CREBRF: variants seen among roughly 807,000 people sequenced by gnomAD.
CREBRF encodes the protein CREB3 regulatory factor, also known as UPF0474 protein C5orf41.
In CREBRF, 5 loss-of-function variants were observed where a neutral mutation model predicts 66.1. The observed-to-expected ratio is 0.08, with a 90% CI of 0.04 to 0.16. CREBRF has a LOEUF of 0.16. Ranked by LOEUF, CREBRF falls within the 10% of genes least tolerant of loss-of-function variation. The pLI is 1.00. For synonymous variants in CREBRF, 229 were observed against 264.4 expected (o/e 0.87, Z 1.30); for missense variants, 531 against 744.9 (o/e 0.71, Z 3.34).
Position 173,129,230 on chromosome 5 carries a change from C to T in CREBRF, c.1805-4400C>T, listed in dbSNP as rs557698972. ...CTCCCGGGTTCAAGCGATTCTCCTGCCTCAGCCTCCCGAGTAGCTGGGACT... is the reference window on the plus strand; with the variant it reads ...CTCCCGGGTTCAAGCGATTCTCCTGTCTCAGCCTCCCGAGTAGCTGGGACT... On this transcript the variant is annotated intron_variant, in intron 8 of 8. Coordinates refer to ENST00000296953, the MANE Select transcript of CREBRF (RefSeq NM_153607.3). 3.4e-5 allele frequency among the ~76,000 whole-genome samples: 5 copies of T among 148,404 alleles called. No individual in the cohort carries two copies. In the East Asian group the frequency reaches 1.0e-3, roughly 30 times the overall value.
chr5:173,129,749 C>T (rs1379871054), intron 8 of CREBRF, among the ~76,000 whole-genome samples: 1 of 149,074 alleles, frequency 6.7e-6, no homozygotes, highest in African/African-American at 2.5e-5. Flanking sequence ...TACACACACA[C>T]AAAACATTTT....
rs1021355710 is a variant in CREBRF, at chr5:173,061,869, G to T, written c.-192+5390G>T. Among the ~76,000 whole-genome samples, 5 of 152,186 alleles carry T rather than the reference G, an allele frequency of 3.3e-5. No homozygotes were observed. In the South Asian group the frequency reaches 8.3e-4, roughly 25 times the overall value. ...TAACTGGGAAATACTAAATTTTTTT[G>T]ATAACTTTTGCTTTATTTTTAATGT... On this transcript the variant is annotated intron_variant, in intron 1 of 8. Transcript: ENST00000296953.
intron 4 of CREBRF, among the ~76,000 whole-genome samples, chr5:173,095,068 CT>C (rs1758443814): frequency 6.6e-6 from 1 of 151,768 alleles, no homozygotes; most frequent in Non-Finnish European, 1.5e-5. Context: ...TTTCTGGCAC[CT>C]TTGCCAAGAA....
chr5:173,106,594 T>G (rs557491913), intron 4 of CREBRF, among the ~76,000 whole-genome samples: 4 of 152,182 alleles, frequency 2.6e-5, no homozygotes, highest in Non-Finnish European at 4.4e-5. Context: ...TTCTTTTTTT[T>G]AAAGTCATGT....
At chr5:173,059,266 T>TC (rs1757187951) in intron 1 of CREBRF, among the ~76,000 whole-genome samples, 1 of 29,426 alleles carries the variant, frequency 3.4e-5, no homozygotes, top group African/African-American at 1.2e-4. Flanking sequence ...CTTTTTTTTC[T>TC]TTTTTTTTTT....
At chr5:173,073,248 T>TTA (rs1561794383) in intron 1 of CREBRF, among the ~76,000 whole-genome samples, 1 of 152,240 alleles carries the variant, frequency 6.6e-6, no homozygotes, top group African/African-American at 2.4e-5. Flanking sequence ...GACAAATCTC[T>TTA]TACCCTTGCT....
intron 2 of CREBRF, among the ~76,000 whole-genome samples, chr5:173,083,343 G>A (rs936125319): frequency 5.9e-5 from 9 of 152,082 alleles, no homozygotes; most frequent in African/African-American, 2.2e-4. Context: ...CTTGACTCTG[G>A]CGGGATTTGT....
Position 173,134,055 on chromosome 5 carries a change from G to T in CREBRF, c.*310G>T, listed in dbSNP as rs1759533235. The T allele has an allele frequency of 5.9e-6, 1 of 169,434 alleles. No homozygotes were observed. The highest frequency in any genetic ancestry group is 1.7e-4 in the South Asian group (1 of 5,884). 10.5% of individuals were successfully genotyped at this position (169,434 alleles called of 1,614,324 possible). ...TTTTGGAGGAGTGAAATAGTAAAAT[G>T]CCAAGTATTGTGGCAGATTTATGCT... On this transcript the variant is annotated 3_prime_UTR_variant, in exon 9 of 9. Coordinates refer to ENST00000296953, the MANE Select transcript of CREBRF (RefSeq NM_153607.3).
intron 3 of CREBRF, among the ~76,000 whole-genome samples, chr5:173,089,214 A>G (rs1758256048): frequency 6.7e-6 from 1 of 148,714 alleles, no homozygotes; most frequent in Non-Finnish European, 1.5e-5. Context: ...CCATACACAG[A>G]CAACACACAC....
At chr5:173,092,341 CT>C in intron 4 of CREBRF, 1 of 984,136 alleles carries the variant, frequency 1.0e-6, no homozygotes, top group Non-Finnish European at 1.2e-6. Flanking sequence ...GGAGACTCTG[CT>C]TTATTTATAT....
chr5:173,099,424 G>A (rs1290603820), intron 4 of CREBRF, among the ~76,000 whole-genome samples: 1 of 152,130 alleles, frequency 6.6e-6, no homozygotes, highest in African/African-American at 2.4e-5. Flanking sequence ...TCAAAGTGCT[G>A]GGATTACAGG....
intron 7 of CREBRF, 89 bp downstream of exon 7, chr5:173,112,468 G>T: frequency 1.1e-6 from 1 of 915,396 alleles, no homozygotes; most frequent in Admixed American, 2.4e-5. Context: ...TGCTTTCGCT[G>T]TATTCTGCCT....
At chr5:173,133,490 A>G in intron 8 of CREBRF, 140 bp from the exon 9 acceptor site, 2 of 505,340 alleles carry the variant, frequency 4.0e-6, no homozygotes, top group South Asian at 3.1e-5. Context: ...CTGAGCTGCA[A>G]TAACAAGTGC....
At chr5:173,113,266 A>G (rs989806234) in intron 7 of CREBRF, among the ~76,000 whole-genome samples, 5 of 151,362 alleles carry the variant, frequency 3.3e-5, no homozygotes, top group African/African-American at 1.2e-4. Flanking sequence ...AAGTGCTGGG[A>G]TTACAGGCAT....
chr5:173,061,299 G>T (rs1757264689), intron 1 of CREBRF, among the ~76,000 whole-genome samples: 1 of 152,134 alleles, frequency 6.6e-6, no homozygotes, highest in African/African-American at 2.4e-5. Context: ...AGATGTTAAG[G>T]TATTTCAGAA....
At chr5:173,117,676 C>G (rs1759035478) in intron 7 of CREBRF, among the ~76,000 whole-genome samples, 1 of 132,248 alleles carries the variant, frequency 7.6e-6, no homozygotes, top group Non-Finnish European at 1.6e-5. Flanking sequence ...TTCTTTTTCT[C>G]TCTCTCTCTC....
chr5:173,067,282 A>G (rs1273388367), intron 1 of CREBRF, among the ~76,000 whole-genome samples: 1 of 152,236 alleles, frequency 6.6e-6, no homozygotes, highest in Non-Finnish European at 1.5e-5. Context: ...AACATTCATT[A>G]CATTTTATTT....
At chr5:173,104,143 C>T (rs1239619827) in intron 4 of CREBRF, among the ~76,000 whole-genome samples, 2 of 152,228 alleles carry the variant, frequency 1.3e-5, no homozygotes, top group East Asian at 3.9e-4. Flanking sequence ...GGTTTATTTA[C>T]TGTTATGATT....
rs911486088 is a variant in CREBRF, at chr5:173,108,627, A to G, written c.1226A>G (p.Tyr409Cys). The change falls in exon 5 of 9, where the codon TAT (tyrosine) becomes TGT (cysteine). Residue 409 changes from tyrosine (Y) to cysteine (C), a missense_variant. Around this residue, in one of 5 missense-constraint regions of CREBRF, gnomAD observed 309 missense variants for 341.4 expected, o/e 0.90. Transcript: ENST00000296953. ...DISDTFSEPG[Y>C]ENDSVEDLKE... The stretch of plus-strand genomic sequence containing the variant: ...AATTGCGGGACCTTTTTTTAAGGCT[A>G]TGAAAATGATTCTGTAGAAGACCTG... 35 of 1,603,656 alleles carry G rather than the reference A, an allele frequency of 2.2e-5. No homozygotes were observed. Among genetic ancestry groups the G allele is most frequent in the Non-Finnish European group, 2.8e-5 (33 of 1,177,708 alleles).
Sources: allele counts gnomAD v4.1 joint callset (sites outside exome capture counted in the v4.1 genomes callset), GRCh38; gene constraint gnomAD v4.1.1; regional missense constraint gnomAD v4.1.1; transcripts MANE v1.5; gene names NCBI Gene and HGNC (gene_info 2026-07-23, HGNC 2026-07-21).